Variants in CTRB1 observed in about 807,000 individuals in gnomAD.
The protein encoded by CTRB1 is chymotrypsinogen B.
In CTRB1, 15 loss-of-function variants were observed where a neutral mutation model predicts 20.4. The observed-to-expected ratio is 0.74, with a 90% CI of 0.49 to 1.13. The LOEUF (loss-of-function observed/expected upper bound fraction) is 1.13. Among genes scored for constraint, CTRB1 ranks in the 50% most tolerant of loss-of-function variants. CTRB1 has a pLI of 0.00. For synonymous variants in CTRB1, 92 were observed against 128.4 expected (o/e 0.72, Z 1.92); for missense variants, 227 against 290.1 (o/e 0.78, Z 1.58).
Position 75,222,201 on chromosome 16 carries a change from C to T in CTRB1, c.53-567C>T, listed in dbSNP as rs372619715. On this transcript the variant is annotated intron_variant, in intron 1 of 6. Coordinates refer to ENST00000361017, the MANE Select transcript of CTRB1 (RefSeq NM_001906.6). Reference sequence around the variant, plus strand: ...GAAACCCAAACTTTACACAATGTTTCCTGAAATTGTGGAATTCAACCTGCC... The same window carrying T: ...GAAACCCAAACTTTACACAATGTTTTCTGAAATTGTGGAATTCAACCTGCC... Among the ~76,000 whole-genome samples the T allele has an allele frequency of 2.0e-5, 3 of 151,458 alleles. No homozygotes were observed. The East Asian group carries it at 5.8e-4, about 29-fold the overall frequency.
At position 75,222,858 on chromosome 16, in the gene CTRB1, A is replaced by C. The variant is rs1188715957; in HGVS notation, c.143A>C (p.Gln48Pro). 1.3e-6 allele frequency: 2 copies of C among 1,521,154 alleles called. No individual in the cohort carries two copies. The highest frequency in any genetic ancestry group is 1.8e-6 in the Non-Finnish European group (2 of 1,126,188). 94.2% of individuals were successfully genotyped at this position (1,521,154 alleles called of 1,614,324 possible). A position where few individuals can be genotyped will look rare whatever the true frequency, so the allele number is the denominator to read the frequency against. ...GCCGTCCCCGGCTCCTGGCCCTGGCAGGTGTCCCTGCAGGTGAGGGGGTTC... is the reference window on the plus strand; with the variant it reads ...GCCGTCCCCGGCTCCTGGCCCTGGCCGGTGTCCCTGCAGGTGAGGGGGTTC... ...EDAVPGSWPW[Q>P]VSLQDKTGFH... is the part of the protein sequence containing the mutation. The change falls in exon 2 of 7, where the codon CAG becomes CCG. Residue 48 changes from glutamine to proline, a missense_variant. Coordinates refer to ENST00000361017, the MANE Select transcript of CTRB1 (RefSeq NM_001906.6).
At chr16:75,224,537 G>GA (rs2076718891) in intron 6 of CTRB1, among the ~76,000 whole-genome samples, 168 bp from the exon 7 acceptor site, 1 of 152,352 alleles carries the variant, frequency 6.6e-6, no homozygotes, top group East Asian at 1.9e-4. Flanking sequence ...CCAGGGGCAT[G>GA]AACCACATAA....
At chr16:75,221,488 T>A (rs879357549) in intron 1 of CTRB1, among the ~76,000 whole-genome samples, 106 of 152,264 alleles carry the variant, frequency 7.0e-4, no homozygotes, top group Non-Finnish European at 1.2e-3. Context: ...GCCTCCCAAG[T>A]AGCTGGGATT....
At chr16:75,222,064 G>GAAAAAAAAAAAA (rs71158588) in intron 1 of CTRB1, among the ~76,000 whole-genome samples, 1 of 108,606 alleles carries the variant, frequency 9.2e-6, no homozygotes. Flanking sequence ...GTCTCAAAAA[G>GAAAAAAAAAAAA]AAAAAAAAAA....
rs548780256 is a variant in CTRB1 at position 75,221,749 on chromosome 16, G to A, written c.53-1019G>A. Among the ~76,000 whole-genome samples, 5 of 151,726 alleles carry A rather than the reference G, an allele frequency of 3.3e-5. No homozygotes were observed. The South Asian group carries it at 6.3e-4, about 19-fold the overall frequency. On this transcript the variant is annotated intron_variant, in intron 1 of 6. Transcript: ENST00000361017. ...GCATGTTGGGAGATCAAGGCAATAG[G>A]ATTGCTTCAGCCCGGGAATTTGAGG...
chr16:75,224,144 G>T lies in CTRB1; in HGVS notation c.586G>T (p.Asp196Tyr), dbSNP rs1379132184. The change falls in exon 6 of 7, where the codon GAC (aspartate) becomes TAC (tyrosine). Residue 196 changes from aspartate to tyrosine, a missense_variant. Physicochemically the swap from Asp to Tyr is radical, Grantham distance 160. Coordinates refer to ENST00000361017, the MANE Select transcript of CTRB1 (RefSeq NM_001906.6). ...CKKSWGRRIT[D>Y]VMICAGASGV... The stretch of plus-strand genomic sequence containing the variant: ...GAAGTCCTGGGGCAGGAGGATCACC[G>T]ACGTGATGATCTGTGCCGGGGCCAG... The T allele has an allele frequency of 1.4e-6, 2 of 1,466,332 alleles. No homozygotes were observed. The highest frequency in any genetic ancestry group is 1.5e-5 in the African/African-American group (1 of 68,652). The allele number at this position is 1,466,332 out of a possible 1,614,324, so 90.8% of individuals were successfully genotyped here.
At chr16:75,219,081 GT>G in intron 1 of CTRB1, 22 bp downstream of exon 1, 1 of 1,577,240 alleles carries the variant, frequency 6.3e-7, no homozygotes, top group Non-Finnish European at 8.6e-7. Context: ...TGCCCGAGGG[GT>G]CTGTCCTGAG....
intron 6 of CTRB1, 99 bp downstream of exon 6, chr16:75,224,287 T>C (rs28608733): frequency 5.1e-5 from 79 of 1,545,588 alleles, no homozygotes; most frequent in Non-Finnish European, 6.6e-5. Flanking sequence ...ACCCCACTCC[T>C]TCCTGGGTGT....
At chr16:75,219,094 G>T (rs937203926) in intron 1 of CTRB1, 35 bp downstream of exon 1, 1 of 1,561,846 alleles carries the variant, frequency 6.4e-7, no homozygotes, top group Admixed American at 1.9e-5. Flanking sequence ...TGTCCTGAGG[G>T]AGCCCTGAGC....
intron 6 of CTRB1, among the ~76,000 whole-genome samples, chr16:75,224,482 C>T (rs1280202026): frequency 6.6e-6 from 1 of 152,222 alleles, no homozygotes; most frequent in East Asian, 1.9e-4. Flanking sequence ...ACCAGCTTTA[C>T]TGAGCTGCCA....
At chr16:75,222,669 C>A in intron 1 of CTRB1, 99 bp from the exon 2 acceptor site, 1 of 1,348,422 alleles carries the variant, frequency 7.4e-7, no homozygotes, top group Non-Finnish European at 1.0e-6. Flanking sequence ...CCTGAGCTGG[C>A]TTCAGTGGAC....
At chr16:75,224,279 C>A in intron 6 of CTRB1, 91 bp downstream of exon 6, 1 of 1,545,838 alleles carries the variant, frequency 6.5e-7, no homozygotes, top group South Asian at 1.2e-5. Flanking sequence ...ATCTACTAAC[C>A]CCACTCCTTC....
chr16:75,224,330 A>C (rs1485071716), intron 6 of CTRB1, 142 bp downstream of exon 6: 27 of 1,448,488 alleles, frequency 1.9e-5, no homozygotes, highest in South Asian at 2.6e-5. Flanking sequence ...TCCATGGCCA[A>C]TGTCAGAGCC....
At chr16:75,219,462 A>G (rs2039049076) in intron 1 of CTRB1, among the ~76,000 whole-genome samples, 1 of 150,850 alleles carries the variant, frequency 6.6e-6, no homozygotes, top group Non-Finnish European at 1.5e-5. Context: ...TGCAATCTCC[A>G]CTTACTGCAA....
chr16:75,220,575 G>A (rs1408499195), intron 1 of CTRB1, among the ~76,000 whole-genome samples: 3 of 152,146 alleles, frequency 2.0e-5, no homozygotes, highest in Non-Finnish European at 4.4e-5. Flanking sequence ...GATTACAGGT[G>A]TGAGCCACTG....
At chr16:75,219,177 G>A in intron 1 of CTRB1, 118 bp downstream of exon 1, 2 of 1,069,118 alleles carry the variant, frequency 1.9e-6, no homozygotes, top group Admixed American at 4.8e-5. Flanking sequence ...TAACCTGAGG[G>A]CTCAGGAGAG....
chr16:75,224,324 T>C (rs1264475862), intron 6 of CTRB1, 136 bp downstream of exon 6: 9 of 1,498,644 alleles, frequency 6.0e-6, no homozygotes, highest in African/African-American at 4.2e-5. Context: ...CAAAATTCCA[T>C]GGCCAATGTC....
At chr16:75,219,553 G>T (rs951999556) in intron 1 of CTRB1, among the ~76,000 whole-genome samples, 2 of 152,036 alleles carry the variant, frequency 1.3e-5, no homozygotes, top group Non-Finnish European at 2.9e-5. Context: ...CACCAACCCT[G>T]GCTAATTTTT....
intron 1 of CTRB1, among the ~76,000 whole-genome samples, chr16:75,220,760 TA>T (rs2039071972): frequency 1.3e-5 from 2 of 151,894 alleles, no homozygotes; most frequent in South Asian, 4.2e-4. Context: ...TTCTCTTATT[TA>T]TTTATTTATT....
Sources: allele counts gnomAD v4.1 joint callset (sites outside exome capture counted in the v4.1 genomes callset), GRCh38; gene constraint gnomAD v4.1.1; transcripts MANE v1.5; gene names NCBI Gene and HGNC (gene_info 2026-07-23, HGNC 2026-07-21).